Variants in KCNQ1 observed in about 807,000 individuals in gnomAD.
KCNQ1 encodes the protein potassium voltage-gated channel subfamily KQT member 1.
Under a neutral mutation model 72.4 loss-of-function variants are expected in KCNQ1, and 49 were observed. The observed-to-expected ratio is 0.68, with a 90% CI of 0.54 to 0.86. KCNQ1 has a LOEUF of 0.86. Ranked by LOEUF, KCNQ1 falls within the 40% of genes least tolerant of loss-of-function variation. The pLI is 0.00. For synonymous variants in KCNQ1, 450 were observed against 412.6 expected (o/e 1.09, Z -1.10); for missense variants, 790 against 945.1 (o/e 0.84, Z 2.15).
chr11:2,555,425 C>T (rs759905173), intron 2 of KCNQ1, among the ~76,000 whole-genome samples: 19 of 152,296 alleles, frequency 1.2e-4, no homozygotes, highest in African/African-American at 3.6e-4. Context: ...GGCCTGGAGA[C>T]GGAAACAGCC....
At chr11:2,569,296 G>T (rs1054252843) in intron 2 of KCNQ1, among the ~76,000 whole-genome samples, 10 of 152,208 alleles carry the variant, frequency 6.6e-5, no homozygotes, top group African/African-American at 2.4e-4. Flanking sequence ...TTTGCAAAAG[G>T]AAAGCAACTA....
In KCNQ1 at chr11:2,583,547, TA is replaced by T; in HGVS notation, c.1032+3del. 6.2e-7 allele frequency: 1 copy of T among 1,606,738 alleles called. No individual in the cohort carries two copies. The highest frequency in any genetic ancestry group is 8.5e-7 in the Non-Finnish European group (1 of 1,173,394). ...ATCTCCTTCTTTGCGCTCCCAGCGG[TA>T]GGTGCCCCGTGGGTGCGTTTTCCCT... is the stretch of plus-strand genomic sequence containing the variant. On this transcript the variant is annotated splice_donor_region_variant and intron_variant, in intron 7 of 15. Transcript: ENST00000155840.
At chr11:2,796,888 C>T (rs1485213349) in intron 15 of KCNQ1, among the ~76,000 whole-genome samples, 1 of 152,212 alleles carries the variant, frequency 6.6e-6, no homozygotes, top group Admixed American at 6.5e-5. Context: ...CATTCGGTGC[C>T]AATAAAGGCC....
intron 11 of KCNQ1, among the ~76,000 whole-genome samples, chr11:2,727,637 A>G (rs1845788515): frequency 1.3e-5 from 2 of 152,128 alleles, no homozygotes. Flanking sequence ...CCAGGGGTCC[A>G]GTTGGCTAGA....
At chr11:2,656,583 T>C in intron 10 of KCNQ1, 1 of 398,684 alleles carries the variant, frequency 2.5e-6, no homozygotes, top group Non-Finnish European at 4.4e-6. Context: ...ATTCCTCTTT[T>C]GTGATGTGCT....
chr11:2,528,041 G>A (rs754322818), intron 2 of KCNQ1, 23 bp downstream of exon 2: 13 of 1,583,926 alleles, frequency 8.2e-6, no homozygotes, highest in Non-Finnish European at 1.1e-5. Flanking sequence ...TGAGGGCATG[G>A]CTGGATGTCA....
Position 2,842,013 on chromosome 11 carries a change from G to A in KCNQ1, c.1795-5754G>A, listed in dbSNP as rs375177730. On this transcript the variant is annotated intron_variant, in intron 15 of 15. Coordinates refer to ENST00000155840, the MANE Select transcript of KCNQ1 (RefSeq NM_000218.3). ...CATGGTTGCGCTGTGCCGAGGACCCGCTGAGGACATAACCGACCATGAGCG... is the reference window on the plus strand; with the variant it reads ...CATGGTTGCGCTGTGCCGAGGACCCACTGAGGACATAACCGACCATGAGCG... Among the ~76,000 whole-genome samples, 4 of 152,322 alleles carry A rather than the reference G, an allele frequency of 2.6e-5. No individual in the cohort carries two copies. The East Asian group carries it at 7.7e-4, about 29-fold the overall frequency.
At chr11:2,500,510 G>A (rs550294148) in intron 1 of KCNQ1, among the ~76,000 whole-genome samples, 164 of 152,232 alleles carry the variant, frequency 1.1e-3, no homozygotes, top group African/African-American at 3.7e-3. Flanking sequence ...TTGACCCAGT[G>A]ATCCCATTAC....
Position 2,828,499 on chromosome 11 carries a change from G to A in KCNQ1, c.1795-19268G>A, listed in dbSNP as rs368881327. ...AGGACAGATGGAGACTGGCCTAGGA[G>A]ACTGGAGAGGGTAGACACCAAGCCC... On this transcript the variant is annotated intron_variant, in intron 15 of 15. Transcript: ENST00000155840. This position sits in a 1 kb window ranked among gnomAD's most constrained non-coding sequence, Gnocchi z 5.3. Among the ~76,000 whole-genome samples, 11 of 152,298 alleles carry A rather than the reference G, an allele frequency of 7.2e-5. No homozygotes were observed. The highest frequency in any genetic ancestry group is 2.1e-4 in the South Asian group (1 of 4,826).
chr11:2,514,210 G>A (rs1439140134), intron 1 of KCNQ1, among the ~76,000 whole-genome samples: 3 of 152,224 alleles, frequency 2.0e-5, no homozygotes, highest in East Asian at 1.9e-4. Context: ...GGAGCTGGCC[G>A]GGGCGCATTT....
chr11:2,726,089 G>A (rs931982962), intron 11 of KCNQ1, among the ~76,000 whole-genome samples: 6 of 152,222 alleles, frequency 3.9e-5, no homozygotes, highest in Admixed American at 6.5e-5. Context: ...CCACCTCTGC[G>A]TGGGTGAAGG....
At position 2,563,840 on chromosome 11, in the gene KCNQ1, A is replaced by G. The variant is rs1175265954; in HGVS notation, c.478-6788A>G. ...TGAGAGGGCTCAAGGTCTGCATGCC[A>G]TTTTGCAATTGACAAATGGCTTGTG... On this transcript the variant is annotated intron_variant, in intron 2 of 15. Coordinates refer to ENST00000155840, the MANE Select transcript of KCNQ1 (RefSeq NM_000218.3). The surrounding 1 kb of genome is among the most constrained non-coding windows in gnomAD (Gnocchi z 7.4). Among the ~76,000 whole-genome samples, 1 of 152,194 alleles carries G rather than the reference A, an allele frequency of 6.6e-6. No homozygotes were observed. The highest frequency in any genetic ancestry group is 1.5e-5 in the Non-Finnish European group (1 of 68,022).
intron 11 of KCNQ1, among the ~76,000 whole-genome samples, chr11:2,754,770 T>G (rs1159566062): frequency 6.6e-6 from 1 of 152,236 alleles, no homozygotes; most frequent in Non-Finnish European, 1.5e-5. Context: ...CGTTTATTAG[T>G]ATCTTTTATA....
chr11:2,778,637 G>A (rs184496318), intron 15 of KCNQ1, among the ~76,000 whole-genome samples: 25 of 112,286 alleles, frequency 2.2e-4, no homozygotes, highest in Non-Finnish European at 3.8e-4. Flanking sequence ...GGATCTGGGC[G>A]GTGGGAGGGC....
At chr11:2,806,526 C>T (rs932914973) in intron 15 of KCNQ1, among the ~76,000 whole-genome samples, 24 of 152,334 alleles carry the variant, frequency 1.6e-4, no homozygotes, top group Admixed American at 3.3e-4. Context: ...TTCCTTACCC[C>T]GGTTGTGCCA....
chr11:2,720,477 C>G lies in KCNQ1; in HGVS notation c.1515-48367C>G, dbSNP rs1851184027. 6.6e-6 allele frequency among the ~76,000 whole-genome samples: 1 copy of G among 152,166 alleles called. No homozygotes were observed. The highest frequency in any genetic ancestry group is 2.4e-5 in the African/African-American group (1 of 41,424). Reference sequence around the variant, plus strand: ...GGCCTCTCGAAGCAGAGGCAGCCCCCTCGAAGCTCACCTGGCCTCTCTCTG... The same window carrying G: ...GGCCTCTCGAAGCAGAGGCAGCCCCGTCGAAGCTCACCTGGCCTCTCTCTG... On this transcript the variant is annotated intron_variant, in intron 11 of 15. Coordinates refer to ENST00000155840, the MANE Select transcript of KCNQ1 (RefSeq NM_000218.3). This position sits in a 1 kb window ranked among gnomAD's most constrained non-coding sequence, Gnocchi z 5.1.
intron 2 of KCNQ1, among the ~76,000 whole-genome samples, chr11:2,558,747 A>G (rs965191090): frequency 1.3e-5 from 2 of 152,134 alleles, no homozygotes; most frequent in African/African-American, 4.8e-5. Flanking sequence ...CCGGCAGTAC[A>G]TGTGAAATTA....
intron 11 of KCNQ1, among the ~76,000 whole-genome samples, chr11:2,739,016 G>A (rs766352131): frequency 9.2e-5 from 14 of 152,142 alleles, no homozygotes; most frequent in Non-Finnish European, 7.4e-5. Context: ...AGGATGGCTC[G>A]AGCCCTGCTA....
rs1564903012 is a variant in KCNQ1, at chr11:2,813,872, G to C, written c.1795-33895G>C. Among the ~76,000 whole-genome samples, 1 of 152,096 alleles carries C rather than the reference G, an allele frequency of 6.6e-6. No homozygotes were observed. Among genetic ancestry groups the C allele is most frequent in the Non-Finnish European group, 1.5e-5 (1 of 68,018 alleles). Reference sequence around the variant, plus strand: ...GGACGGGGAGCTGCAGGGAGGGAGGGTTGCAGAAAGGGATGCGTGGAAGGA... The same window carrying C: ...GGACGGGGAGCTGCAGGGAGGGAGGCTTGCAGAAAGGGATGCGTGGAAGGA... On this transcript the variant is annotated intron_variant, in intron 15 of 15. Coordinates refer to ENST00000155840, the MANE Select transcript of KCNQ1 (RefSeq NM_000218.3). The surrounding 1 kb of genome is among the most constrained non-coding windows in gnomAD (Gnocchi z 4.4).
Sources: allele counts gnomAD v4.1 joint callset (sites outside exome capture counted in the v4.1 genomes callset), GRCh38; gene constraint gnomAD v4.1.1; non-coding constraint Gnocchi (gnomAD v3.1); transcripts MANE v1.5; gene names NCBI Gene and HGNC (gene_info 2026-07-23, HGNC 2026-07-21).